SYNPR: variants seen among roughly 807,000 people sequenced by gnomAD.
SYNPR encodes the protein synaptoporin.
In SYNPR, 23 loss-of-function variants were observed where a neutral mutation model predicts 32.9. That is an observed-to-expected ratio of 0.70 (90% CI 0.50 to 0.99). The LOEUF (loss-of-function observed/expected upper bound fraction) is 0.99. Among genes scored for constraint, SYNPR ranks in the 50% least tolerant of loss-of-function variants. The probability of loss-of-function intolerance (pLI) is 0.00; values close to 1 mark genes in which losing one functional copy is unlikely to be tolerated. For missense variants in SYNPR, 318 were observed against 349.3 expected, an observed-to-expected ratio of 0.91 and a Z score of 0.71; for synonymous variants, 146 against 135.9, an observed-to-expected ratio of 1.07 and a Z score of -0.52.
At chr3:63,407,352 C>G (rs1366977037) in intron 2 of SYNPR, among the ~76,000 whole-genome samples, 1 of 152,178 alleles carries the variant, frequency 6.6e-6, no homozygotes, top group Non-Finnish European at 1.5e-5. Context: ...GAGTTATGAA[C>G]AGCTTATCAT....
intron 2 of SYNPR, among the ~76,000 whole-genome samples, chr3:63,354,346 T>A (rs188343430): frequency 3.9e-5 from 6 of 152,216 alleles, no homozygotes; most frequent in African/African-American, 1.2e-4. Flanking sequence ...GTCCACATCA[T>A]GATCCAACTG....
intron 2 of SYNPR, among the ~76,000 whole-genome samples, chr3:63,459,365 C>T (rs1700541414): frequency 6.6e-6 from 1 of 152,094 alleles, no homozygotes; most frequent in Non-Finnish European, 1.5e-5. Context: ...ACTCAGACCA[C>T]ATTTCCTTCT....
chr3:63,295,188 T>C (rs988243705), intron 2 of SYNPR, among the ~76,000 whole-genome samples: 9 of 152,220 alleles, frequency 5.9e-5, no homozygotes, highest in Non-Finnish European at 7.3e-5. Context: ...TATTTTGGGC[T>C]ATGTCGGCCT....
intron 2 of SYNPR, among the ~76,000 whole-genome samples, chr3:63,465,409 T>C (rs186484810): frequency 4.6e-5 from 7 of 152,254 alleles, no homozygotes; most frequent in Admixed American, 1.3e-4. Flanking sequence ...TCTAGATTAA[T>C]ACTATTTTTG....
At chr3:63,240,662 A>G (rs943447020) in intron 1 of SYNPR, among the ~76,000 whole-genome samples, 6 of 152,162 alleles carry the variant, frequency 3.9e-5, no homozygotes, top group African/African-American at 1.4e-4. Context: ...CTGTGAATGA[A>G]GGGAGATATC....
intron 3 of SYNPR, among the ~76,000 whole-genome samples, chr3:63,487,101 G>C (rs1701170570): frequency 6.6e-6 from 1 of 152,126 alleles, no homozygotes; most frequent in Admixed American, 6.5e-5. Flanking sequence ...TATTTATAAA[G>C]ATTATGTCAT....
intron 2 of SYNPR, among the ~76,000 whole-genome samples, chr3:63,342,237 A>G (rs1185446449): frequency 6.6e-6 from 1 of 152,150 alleles, no homozygotes; most frequent in Non-Finnish European, 1.5e-5. Context: ...GTCTTTCTCC[A>G]TGCTACACTG....
chr3:63,480,202 T>C (rs953508193), intron 2 of SYNPR, among the ~76,000 whole-genome samples: 1 of 152,108 alleles, frequency 6.6e-6, no homozygotes. Flanking sequence ...ACATTAACTG[T>C]TGAAACTTTT....
intron 2 of SYNPR, among the ~76,000 whole-genome samples, chr3:63,324,396 C>T (rs2087142193): frequency 6.6e-6 from 1 of 152,104 alleles, no homozygotes. Context: ...TGCATTTATC[C>T]TGTAGCCAAC....
Position 63,408,701 on chromosome 3 carries a change from G to A in SYNPR, c.85-72131G>A, listed in dbSNP as rs529065265. Among the ~76,000 whole-genome samples the A allele has an allele frequency of 7.9e-5, 12 of 152,242 alleles. No individual in the cohort carries two copies. The East Asian group carries it at 2.1e-3, about 27-fold the overall frequency. ...ACATTCACCTTTCCTCTGCCTTTTTGTTTTATCTGAGCCCTCAATGGATTG... is the reference window on the plus strand; with the variant it reads ...ACATTCACCTTTCCTCTGCCTTTTTATTTTATCTGAGCCCTCAATGGATTG... On this transcript the variant is annotated intron_variant, in intron 2 of 5. Transcript: ENST00000478300.
At chr3:63,490,572 C>T (rs952247972) in intron 3 of SYNPR, among the ~76,000 whole-genome samples, 6 of 152,006 alleles carry the variant, frequency 3.9e-5, no homozygotes, top group African/African-American at 7.2e-5. Context: ...GCATGCCATG[C>T]GTGGTCTTCC....
chr3:63,342,864 T>G (rs2087387047), intron 2 of SYNPR, among the ~76,000 whole-genome samples: 1 of 152,230 alleles, frequency 6.6e-6, no homozygotes. Context: ...TTAAATGAAT[T>G]GATCCACTTC....
chr3:63,309,204 G>A (rs1171027757), intron 2 of SYNPR, among the ~76,000 whole-genome samples: 1 of 151,902 alleles, frequency 6.6e-6, no homozygotes, highest in Non-Finnish European at 1.5e-5. Flanking sequence ...GTTTTTGGTT[G>A]GTTGGTTGTT....
chr3:63,320,207 T>A (rs2087096363), intron 2 of SYNPR, among the ~76,000 whole-genome samples: 3 of 152,020 alleles, frequency 2.0e-5, no homozygotes, highest in Admixed American at 6.6e-5. Flanking sequence ...TGCCTTGGCA[T>A]CCCCAAGTGC....
At chr3:63,421,475 G>C (rs1699796943) in intron 2 of SYNPR, among the ~76,000 whole-genome samples, 1 of 150,026 alleles carries the variant, frequency 6.7e-6, no homozygotes, top group African/African-American at 2.4e-5. Flanking sequence ...TGCTGAGTGA[G>C]AAAATTCAGA....
intron 2 of SYNPR, among the ~76,000 whole-genome samples, chr3:63,352,097 G>T (rs1002137589): frequency 1.3e-5 from 2 of 152,104 alleles, no homozygotes; most frequent in African/African-American, 2.4e-5. Flanking sequence ...TAAGTCCAAA[G>T]GTCCTGGGGT....
intron 2 of SYNPR, among the ~76,000 whole-genome samples, chr3:63,254,058 A>C (rs1488470862): frequency 6.6e-6 from 1 of 152,142 alleles, no homozygotes. Context: ...TCAGCAAACT[A>C]TCGCAAGGAC....
In SYNPR at chr3:63,507,096, G is replaced by A. The variant is rs572617830; in HGVS notation, c.209+26140G>A. On this transcript the variant is annotated intron_variant, in intron 3 of 5. Coordinates refer to ENST00000478300, the MANE Select transcript of SYNPR (RefSeq NM_001130003.2). The stretch of plus-strand genomic sequence containing the variant: ...TGGGAGGCGGAGATTGCAGTCAGCC[G>A]ACATCGCACCATGGCACTCCAGCCT... 5.9e-5 allele frequency among the ~76,000 whole-genome samples: 9 copies of A among 151,492 alleles called. No homozygotes were observed. In the South Asian group the frequency reaches 6.3e-4, roughly 11 times the overall value.
In SYNPR at chr3:63,416,531, TAAAA is replaced by T. The variant is rs60383627; in HGVS notation, c.85-64283_85-64280del. On this transcript the variant is annotated intron_variant, in intron 2 of 5. Transcript: ENST00000478300. ...TTGGTGACGGAGTGAGACTCTGTCT[TAAAA>T]AAAAAAAAAAAAAAAAACCAAAAAA... Among the ~76,000 whole-genome samples, 8 of 105,336 alleles carry T rather than the reference TAAAA, an allele frequency of 7.6e-5. No individual in the cohort carries two copies. The South Asian group carries it at 1.6e-3, about 21-fold the overall frequency. 69.1% of individuals were successfully genotyped at this position (105,336 alleles called of 152,430 possible). A position where few individuals can be genotyped will look rare whatever the true frequency, so the allele number is the denominator to read the frequency against.
Sources: allele counts gnomAD v4.1 joint callset (sites outside exome capture counted in the v4.1 genomes callset), GRCh38; gene constraint gnomAD v4.1.1; transcripts MANE v1.5; gene names NCBI Gene and HGNC (gene_info 2026-07-23, HGNC 2026-07-21).